BMAL2: variants seen among roughly 807,000 people sequenced by gnomAD.
BMAL2 encodes basic helix-loop-helix ARNT like 2.
At chr12:27,368,141 C>T in the BMAL2 span, 1 of 1,222,628 alleles carries the variant, frequency 8.2e-7, no homozygotes, top group South Asian at 1.5e-5. Flanking sequence ...CAGCGCCTGG[C>T]CTTAGCTGGT....
the BMAL2 span, among the ~76,000 whole-genome samples, chr12:27,364,872 T>C: frequency 6.6e-6 from 1 of 152,150 alleles, no homozygotes; most frequent in Non-Finnish European, 1.5e-5. Flanking sequence ...ATTTATTCTT[T>C]AGATACTCTG....
chr12:27,396,300 A>G, the BMAL2 span, among the ~76,000 whole-genome samples: 3 of 152,200 alleles, frequency 2.0e-5, no homozygotes, highest in Non-Finnish European at 4.4e-5. Flanking sequence ...GAAAGAAGAG[A>G]AGAGAAAACA....
At chr12:27,386,741 C>T in the BMAL2 span, among the ~76,000 whole-genome samples, 4 of 152,126 alleles carry the variant, frequency 2.6e-5, no homozygotes, top group Admixed American at 2.6e-4. Context: ...GCCATCCTCC[C>T]GTCTCAGCCT....
chr12:27,401,760 A>G, the BMAL2 span: 1 of 983,758 alleles, frequency 1.0e-6, no homozygotes. Context: ...AAACCATTAA[A>G]ACTGTGTGAT....
the BMAL2 span, among the ~76,000 whole-genome samples, chr12:27,336,947 CAAAAAAAAAAAA>C: frequency 1.5e-4 from 11 of 73,822 alleles, no homozygotes; most frequent in African/African-American, 4.8e-4. Context: ...GAGACTGTCT[CAAAAAAAAAAAA>C]AAAAAAAAAA....
At chr12:27,357,052 A>G in the BMAL2 span, among the ~76,000 whole-genome samples, 1 of 152,128 alleles carries the variant, frequency 6.6e-6, no homozygotes, top group Non-Finnish European at 1.5e-5. Flanking sequence ...ATTGGCTCCA[A>G]TTCCATCCAG....
At chr12:27,363,502 A>G in the BMAL2 span, among the ~76,000 whole-genome samples, 1 of 152,156 alleles carries the variant, frequency 6.6e-6, no homozygotes. Flanking sequence ...AAATTTTTCA[A>G]TTGTAGCCAT....
chr12:27,413,484 C>T, the BMAL2 span, among the ~76,000 whole-genome samples: 1 of 151,870 alleles, frequency 6.6e-6, no homozygotes, highest in Non-Finnish European at 1.5e-5. Flanking sequence ...TGTAGGCTTC[C>T]TAATAACTAC....
chr12:27,386,499 A>G, the BMAL2 span, among the ~76,000 whole-genome samples: 4 of 152,224 alleles, frequency 2.6e-5, no homozygotes, highest in African/African-American at 4.8e-5. Flanking sequence ...TTCAAAAACT[A>G]TAACAAGGTG....
the BMAL2 span, among the ~76,000 whole-genome samples, chr12:27,398,563 T>A: frequency 2.7e-3 from 404 of 150,656 alleles, 2 homozygotes; most frequent in Non-Finnish European, 3.5e-3. Flanking sequence ...ATGGGATTTT[T>A]AAAAAAAAAA....
the BMAL2 span, among the ~76,000 whole-genome samples, chr12:27,366,209 G>T: frequency 3.3e-5 from 5 of 152,120 alleles, no homozygotes; most frequent in Non-Finnish European, 5.9e-5. Flanking sequence ...TTTGAGACTG[G>T]TTTTTGGTCC....
chr12:27,404,095 G>C, the BMAL2 span, among the ~76,000 whole-genome samples: 8 of 151,056 alleles, frequency 5.3e-5, no homozygotes. Context: ...GGGGTGGAGG[G>C]AGAGGGGCTG....
the BMAL2 span, chr12:27,376,445 C>T: frequency 1.3e-6 from 2 of 1,534,034 alleles, no homozygotes; most frequent in Non-Finnish European, 1.8e-6. Flanking sequence ...AAAGGCAAGC[C>T]TGTAGCCTAA....
the BMAL2 span, among the ~76,000 whole-genome samples, chr12:27,383,116 G>A: frequency 2.6e-5 from 4 of 152,096 alleles, no homozygotes; most frequent in Non-Finnish European, 4.4e-5. Context: ...ACACGCATGC[G>A]TCCTGAAGGC....
At chr12:27,355,659 T>C in the BMAL2 span, among the ~76,000 whole-genome samples, 126 of 152,332 alleles carry the variant, frequency 8.3e-4, no homozygotes, top group South Asian at 0.022. Flanking sequence ...TTTTCTCTGC[T>C]TCAGTTCTCC....
At chr12:27,414,282 C>T in the BMAL2 span, among the ~76,000 whole-genome samples, 2 of 152,138 alleles carry the variant, frequency 1.3e-5, no homozygotes, top group Non-Finnish European at 2.9e-5. Flanking sequence ...ACCATTCAAA[C>T]AACATCAATA....
chr12:27,353,515 G>T, the BMAL2 span, among the ~76,000 whole-genome samples: 1 of 152,092 alleles, frequency 6.6e-6, no homozygotes, highest in Non-Finnish European at 1.5e-5. Context: ...TGTAGGCCTT[G>T]GCAGAGATTT....
chr12:27,337,213 ACT>A, the BMAL2 span, among the ~76,000 whole-genome samples: 1 of 152,146 alleles, frequency 6.6e-6, no homozygotes, highest in Admixed American at 6.5e-5. Context: ...TCATTCTTCC[ACT>A]CTATGCTTTG....
chr12:27,360,583 C>T, the BMAL2 span, among the ~76,000 whole-genome samples: 1 of 151,836 alleles, frequency 6.6e-6, no homozygotes, highest in Non-Finnish European at 1.5e-5. Flanking sequence ...ACAACATTAA[C>T]TCAATGTTGT....
Sources: allele counts gnomAD v4.1 joint callset (sites outside exome capture counted in the v4.1 genomes callset), GRCh38; gene constraint gnomAD v4.1.1; transcripts MANE v1.5; gene names NCBI Gene and HGNC (gene_info 2026-07-23, HGNC 2026-07-21).